Variants in RABGAP1L observed in about 807,000 individuals in gnomAD.
RABGAP1L encodes RAB GTPase activating protein 1 like.
In RABGAP1L, 63 loss-of-function variants were observed where a neutral mutation model predicts 137.7. The observed-to-expected ratio is 0.46, with a 90% confidence interval of 0.37 to 0.56. The LOEUF (loss-of-function observed/expected upper bound fraction) is 0.56, where lower values mean the gene tolerates loss of function less well. Ranked by LOEUF, RABGAP1L falls within the 20% of genes least tolerant of loss-of-function variation. RABGAP1L has a pLI of 0.00. For synonymous variants in RABGAP1L, 431 were observed against 433.7 expected (o/e 0.99, Z 0.08); for missense variants, 1,095 against 1,244.0 (o/e 0.88, Z 1.80).
At chr1:174,414,792 A>G (rs906084202) in intron 13 of RABGAP1L, among the ~76,000 whole-genome samples, 5 of 152,206 alleles carry the variant, frequency 3.3e-5, no homozygotes, top group Admixed American at 6.5e-5. Flanking sequence ...TTTTTTCACT[A>G]TAATTACTAC....
At chr1:174,618,364 A>ACC (rs1672107532) in intron 13 of RABGAP1L, among the ~76,000 whole-genome samples, 1 of 149,804 alleles carries the variant, frequency 6.7e-6, no homozygotes, top group Non-Finnish European at 1.5e-5. Flanking sequence ...TCTCTGACCC[A>ACC]CGCGTAGCCT....
At chr1:174,606,008 G>A (rs1670764041) in intron 13 of RABGAP1L, among the ~76,000 whole-genome samples, 1 of 152,058 alleles carries the variant, frequency 6.6e-6, no homozygotes, top group African/African-American at 2.4e-5. Flanking sequence ...GCACTGAAAG[G>A]GGCTCTTTTC....
chr1:174,965,585 G>A (rs554491333), intron 20 of RABGAP1L, among the ~76,000 whole-genome samples: 1 of 152,344 alleles, frequency 6.6e-6, no homozygotes, highest in East Asian at 1.9e-4. Flanking sequence ...TTAGCCCTCA[G>A]TAGGTAAGTG....
At chr1:174,616,234 T>G (rs1197019537) in intron 13 of RABGAP1L, among the ~76,000 whole-genome samples, 1 of 152,196 alleles carries the variant, frequency 6.6e-6, no homozygotes, top group Non-Finnish European at 1.5e-5. Flanking sequence ...CCCCCGTTGG[T>G]ATGCGGTTTG....
chr1:174,588,031 G>C lies in RABGAP1L; in HGVS notation c.1711-49344G>C, dbSNP rs1377249077. 3.3e-5 allele frequency among the ~76,000 whole-genome samples: 5 copies of C among 151,910 alleles called. No individual in the cohort carries two copies. In the East Asian group the frequency reaches 7.7e-4, roughly 24 times the overall value. On this transcript the variant is annotated intron_variant, in intron 13 of 25. Transcript: ENST00000681986. ...GGCGTGCACAACCAGGCTTGGCTAAGTTTTTTGTATTTTTAGTAGGGACAG... is the reference window on the plus strand; with the variant it reads ...GGCGTGCACAACCAGGCTTGGCTAACTTTTTTGTATTTTTAGTAGGGACAG...
intron 18 of RABGAP1L, among the ~76,000 whole-genome samples, chr1:174,799,127 C>T (rs997045979): frequency 1.3e-5 from 2 of 152,152 alleles, no homozygotes; most frequent in Admixed American, 6.5e-5. Flanking sequence ...AATTTCAATT[C>T]TAATAGTTCT....
At chr1:174,264,524 C>T (rs1362005644) in intron 7 of RABGAP1L, among the ~76,000 whole-genome samples, 1 of 152,112 alleles carries the variant, frequency 6.6e-6, no homozygotes, top group Non-Finnish European at 1.5e-5. Flanking sequence ...TTCAGATCTT[C>T]ATCTGGCATC....
At chr1:174,937,434 G>A (rs1387909440) in intron 19 of RABGAP1L, among the ~76,000 whole-genome samples, 2 of 146,832 alleles carry the variant, frequency 1.4e-5, no homozygotes, top group African/African-American at 5.1e-5. Context: ...ATAGGTGCCC[G>A]CCACCACACC....
In RABGAP1L at chr1:174,637,499, C is replaced by G; in HGVS notation, c.1824+11C>G. On this transcript the variant is annotated intron_variant, in intron 14 of 25. Transcript: ENST00000681986. ...TATAAGATCTGCAAGGTAGGACTCT[C>G]TTCCTCACTTTTTCTAAATTATTTT... The G allele has an allele frequency of 6.5e-7, 1 of 1,532,762 alleles. No homozygotes were observed. Among genetic ancestry groups the G allele is most frequent in the Non-Finnish European group, 9.0e-7 (1 of 1,110,784 alleles). The allele number at this position is 1,532,762 out of a possible 1,614,324, so 94.9% of individuals were successfully genotyped here. A position where few individuals can be genotyped will look rare whatever the true frequency, so the allele number is the denominator to read the frequency against.
intron 10 of RABGAP1L, among the ~76,000 whole-genome samples, chr1:174,283,496 G>GTT (rs200433618): frequency 3.1e-4 from 46 of 149,830 alleles, no homozygotes; most frequent in African/African-American, 9.8e-4. Context: ...AAGAGTTGCT[G>GTT]TTTTTTTTGT....
At chr1:174,381,334 T>C (rs1686136025) in intron 12 of RABGAP1L, among the ~76,000 whole-genome samples, 1 of 145,678 alleles carries the variant, frequency 6.9e-6, no homozygotes. Flanking sequence ...GTTCAATTCC[T>C]GGGTATCCTT....
At chr1:174,940,289 G>A (rs963895881) in intron 19 of RABGAP1L, among the ~76,000 whole-genome samples, 5 of 148,350 alleles carry the variant, frequency 3.4e-5, no homozygotes, top group Admixed American at 6.7e-5. Context: ...TTCTGAGACA[G>A]GATCCTGCTC....
intron 13 of RABGAP1L, among the ~76,000 whole-genome samples, chr1:174,606,927 T>G (rs1670835948): frequency 6.6e-6 from 1 of 152,212 alleles, no homozygotes; most frequent in South Asian, 2.1e-4. Context: ...GTAACTTTCA[T>G]AAATAAATAT....
At chr1:174,628,335 GTTTA>G (rs1157119053) in intron 13 of RABGAP1L, among the ~76,000 whole-genome samples, 6 of 152,094 alleles carry the variant, frequency 3.9e-5, no homozygotes, top group Admixed American at 2.6e-4. Flanking sequence ...GAAAACAGTT[GTTTA>G]TTTAGGTATA....
intron 13 of RABGAP1L, among the ~76,000 whole-genome samples, chr1:174,460,194 A>T (rs1656515219): frequency 6.6e-6 from 1 of 152,036 alleles, no homozygotes; most frequent in Admixed American, 6.6e-5. Flanking sequence ...ACTTATCTCA[A>T]ATGTTTCTAA....
At chr1:174,392,410 A>G (rs999915801) in intron 12 of RABGAP1L, among the ~76,000 whole-genome samples, 4 of 152,198 alleles carry the variant, frequency 2.6e-5, no homozygotes, top group African/African-American at 7.2e-5. Flanking sequence ...ACTTGGCAGC[A>G]TAACTGTTAT....
At chr1:174,320,212 C>T (rs1679820318) in intron 11 of RABGAP1L, among the ~76,000 whole-genome samples, 1 of 152,168 alleles carries the variant, frequency 6.6e-6, no homozygotes, top group Non-Finnish European at 1.5e-5. Flanking sequence ...TTCATCACCC[C>T]AGAAACTTTC....
intron 15 of RABGAP1L, among the ~76,000 whole-genome samples, chr1:174,694,347 C>G (rs1320691659): frequency 6.7e-4 from 100 of 148,182 alleles, no homozygotes; most frequent in Non-Finnish European, 1.1e-3. Context: ...TAACCCTCCC[C>G]CCTCCCCCCA....
chr1:174,740,659 GT>G (rs766659483), intron 17 of RABGAP1L, among the ~76,000 whole-genome samples: 6 of 152,056 alleles, frequency 3.9e-5, no homozygotes, highest in Non-Finnish European at 5.9e-5. Context: ...TCTCCATACT[GT>G]TTTCCATAGT....
Sources: allele counts gnomAD v4.1 joint callset (sites outside exome capture counted in the v4.1 genomes callset), GRCh38; gene constraint gnomAD v4.1.1; transcripts MANE v1.5; gene names NCBI Gene and HGNC (gene_info 2026-07-23, HGNC 2026-07-21).